Variants in PRH1 observed in about 807,000 individuals in gnomAD.
PRH1 encodes proline rich protein HaeIII subfamily 1.
In PRH1, 7 loss-of-function variants were observed where a neutral mutation model predicts 7.9. The observed-to-expected ratio is 0.89, with a 90% CI of 0.50 to 1.67. PRH1 has a LOEUF of 1.67. Ranked by LOEUF, PRH1 falls within the 40% of genes most tolerant of loss-of-function variation. The pLI, the probability that PRH1 is intolerant of heterozygous loss-of-function variation, is 0.00. For missense variants in PRH1, 109 were observed against 223.6 expected, an observed-to-expected ratio of 0.49 and a Z score of 3.27; for synonymous variants, 45 against 80.8, an observed-to-expected ratio of 0.56 and a Z score of 2.38.
intron 2 of PRH1, chr12:10,895,118 C>T (rs1314642044): frequency 1.3e-5 from 2 of 152,166 alleles, no homozygotes; most frequent in African/African-American, 4.8e-5. Context: ...TAGAAGAGGA[C>T]AGGCCAATGT....
chr12:11,149,278 C>G (rs1946982300), intron 1 of PRH1, among the ~76,000 whole-genome samples: 1 of 152,192 alleles, frequency 6.6e-6, no homozygotes, highest in South Asian at 2.1e-4. Context: ...CTTTGTGTCT[C>G]TATTTCCTTC....
chr12:10,964,811 G>A (rs1280434506), intron 2 of PRH1: 2 of 562,136 alleles, frequency 3.6e-6, no homozygotes, highest in South Asian at 1.7e-5. Flanking sequence ...GTTTGCAAGC[G>A]TGGTTACAGT....
intron 1 of PRH1, among the ~76,000 whole-genome samples, chr12:11,013,596 TCTATAATAATAATAATCCCCTGC>T (rs1381157290): frequency 6.6e-6 from 1 of 152,162 alleles, no homozygotes; most frequent in African/African-American, 2.4e-5. Context: ...GATCATTATG[TCTATAATAATAATAATCCCCTGC>T]CTATCAATCT....
At chr12:10,961,731 T>A (rs1005999164) in intron 2 of PRH1, among the ~76,000 whole-genome samples, 1 of 152,174 alleles carries the variant, frequency 6.6e-6, no homozygotes, top group African/African-American at 2.4e-5. Flanking sequence ...GAGATGGTAG[T>A]TCCGCCTCAG....
chr12:11,147,926 A>T (rs538328203), intron 1 of PRH1, among the ~76,000 whole-genome samples: 1 of 150,708 alleles, frequency 6.6e-6, no homozygotes, highest in Non-Finnish European at 1.5e-5. Context: ...TGAGCATGGA[A>T]TGTTCTTCCA....
At chr12:11,005,365 G>A (rs1166820527) in intron 1 of PRH1, among the ~76,000 whole-genome samples, 3 of 152,096 alleles carry the variant, frequency 2.0e-5, no homozygotes, top group African/African-American at 7.2e-5. Flanking sequence ...GTTCAGCAAT[G>A]TCAGTTGTTA....
chr12:11,146,940 C>G (rs1268900960), intron 1 of PRH1, among the ~76,000 whole-genome samples: 2 of 152,140 alleles, frequency 1.3e-5, no homozygotes, highest in African/African-American at 2.4e-5. Context: ...TCCTTCTGTG[C>G]CAAAATTCTT....
intron 1 of PRH1, among the ~76,000 whole-genome samples, chr12:11,024,451 T>A (rs374000769): frequency 0.028 from 2,594 of 93,940 alleles, 18 homozygotes; most frequent in South Asian, 0.06. Flanking sequence ...GGTCTTTTTT[T>A]AATATTCTTT....
At chr12:11,106,589 A>G (rs1945423140) in intron 1 of PRH1, among the ~76,000 whole-genome samples, 1 of 127,608 alleles carries the variant, frequency 7.8e-6, no homozygotes, top group Admixed American at 7.8e-5. Flanking sequence ...ATCTTCATAT[A>G]TGAATATTTG....
intron 1 of PRH1, among the ~76,000 whole-genome samples, chr12:11,150,996 CTG>C (rs1228186721): frequency 6.6e-6 from 1 of 152,158 alleles, no homozygotes; most frequent in East Asian, 1.9e-4. Flanking sequence ...TCTCACTGAG[CTG>C]TGACAGGCCT....
At chr12:10,907,038 G>A (rs1014025769) in intron 2 of PRH1, among the ~76,000 whole-genome samples, 2 of 152,146 alleles carry the variant, frequency 1.3e-5, no homozygotes, top group Non-Finnish European at 2.9e-5. Context: ...ACTATGATGA[G>A]ATGCCATTAC....
intron 1 of PRH1, among the ~76,000 whole-genome samples, chr12:10,991,267 C>G (rs10845272): frequency 0.3 from 46,324 of 151,924 alleles, 8,916 homozygotes; most frequent in East Asian, 0.74. Flanking sequence ...AATATAAAAA[C>G]AGATTACTGA....
chr12:10,930,156 T>C (rs1406374561), intron 2 of PRH1: 5 of 1,254,932 alleles, frequency 4.0e-6, no homozygotes, highest in Non-Finnish European at 5.8e-6. Flanking sequence ...GCTGATGAGA[T>C]CTCAAAGGGG....
At chr12:11,022,276 G>C (rs1941689939) in intron 1 of PRH1, 1 of 1,614,192 alleles carries the variant, frequency 6.2e-7, no homozygotes. Flanking sequence ...GAGGCTAGCA[G>C]CAAGCCACAT....
chr12:11,014,849 TAGTC>T (rs943167114), intron 1 of PRH1, among the ~76,000 whole-genome samples: 2 of 152,010 alleles, frequency 1.3e-5, no homozygotes, highest in African/African-American at 4.8e-5. Context: ...AGTAGATAGT[TAGTC>T]AGGCATGAGC....
rs140669331 is a variant in PRH1, at chr12:10,897,369, T to C, written c.-58-13094A>G. 4.8e-3 allele frequency among the ~76,000 whole-genome samples: 718 copies of C among 151,148 alleles called. 7 individuals carry two copies. The highest frequency in any genetic ancestry group is 0.017 in the African/African-American group (689 of 41,290). ...ATGTATTTCTCAGCTCCGCCTTAGATAAGTTCAGCCCCTGGTCACTTGAAT... is the reference window on the plus strand; with the variant it reads ...ATGTATTTCTCAGCTCCGCCTTAGACAAGTTCAGCCCCTGGTCACTTGAAT... On this transcript the variant is annotated intron_variant, in intron 2 of 3. Transcript: ENST00000539853.
chr12:10,893,207 T>C (rs1049163345), intron 2 of PRH1, among the ~76,000 whole-genome samples: 6 of 152,156 alleles, frequency 3.9e-5, no homozygotes, highest in Non-Finnish European at 8.8e-5. Context: ...CGTACAGTTA[T>C]CAGGTAAAAT....
chr12:10,932,793 C>T (rs907703463), intron 2 of PRH1, among the ~76,000 whole-genome samples: 32 of 151,998 alleles, frequency 2.1e-4, no homozygotes, highest in African/African-American at 6.0e-4. Flanking sequence ...TTCATCAAGG[C>T]GGCAGCATAA....
chr12:10,929,143 C>G, intron 2 of PRH1: 1 of 1,091,216 alleles, frequency 9.2e-7, no homozygotes, highest in South Asian at 1.4e-5. Flanking sequence ...AAAGCAGAAC[C>G]CAGTCTCTGA....
Sources: gnomAD v4.1 joint callset for allele counts (sites outside exome capture counted in the v4.1 genomes callset) on GRCh38, gnomAD v4.1.1 for gene constraint, MANE v1.5 for transcripts, NCBI Gene and HGNC (gene_info 2026-07-23, HGNC 2026-07-21) for gene names.